KCNH8: variants seen among roughly 807,000 people sequenced by gnomAD.
KCNH8 encodes the protein potassium voltage-gated channel subfamily H member 8.
In KCNH8, 70 loss-of-function variants were observed where a neutral mutation model predicts 103.6. The observed-to-expected ratio is 0.68, with a 90% confidence interval of 0.56 to 0.82. The LOEUF is 0.82. KCNH8 is among the 40% of genes least tolerant of loss of function. The pLI is 0.00. For synonymous variants in KCNH8, 498 were observed against 489.4 expected (o/e 1.02, Z -0.23); for missense variants, 1,217 against 1,329.9 (o/e 0.92, Z 1.32).
chr3:19,284,550 T>TGTGA (rs751323767), intron 3 of KCNH8, among the ~76,000 whole-genome samples: 1 of 145,476 alleles, frequency 6.9e-6, no homozygotes, highest in Non-Finnish European at 1.5e-5. Flanking sequence ...TGTGTGTGTG[T>TGTGA]GTGAGGGAGA....
chr3:19,291,230 T>G (rs574821319), intron 3 of KCNH8, among the ~76,000 whole-genome samples: 4 of 152,338 alleles, frequency 2.6e-5, no homozygotes, highest in African/African-American at 9.6e-5. Flanking sequence ...GGGTTTTTTG[T>G]GTCTCTATTT....
intron 5 of KCNH8, among the ~76,000 whole-genome samples, chr3:19,387,127 C>G (rs963958838): frequency 4.6e-5 from 7 of 152,252 alleles, no homozygotes; most frequent in African/African-American, 1.7e-4. Context: ...TATCCCTGAA[C>G]AAAAGCTTAG....
Position 19,304,630 on chromosome 3 carries a change from G to T in KCNH8, c.442+23301G>T, listed in dbSNP as rs564077973. 2.0e-5 allele frequency among the ~76,000 whole-genome samples: 3 copies of T among 152,116 alleles called. No individual in the cohort carries two copies. In the East Asian group the frequency reaches 5.8e-4, roughly 29 times the overall value. On this transcript the variant is annotated intron_variant, in intron 3 of 15. Transcript: ENST00000328405. ...GAAAATTAAGTTGAGGAATCTTCCA[G>T]AAATTAGAGCAAAGTGACAAATATG...
At chr3:19,453,523 C>T (rs1292381506) in intron 10 of KCNH8, among the ~76,000 whole-genome samples, 1 of 152,030 alleles carries the variant, frequency 6.6e-6, no homozygotes, top group Non-Finnish European at 1.5e-5. Flanking sequence ...TTAAATCATG[C>T]AATTTATTAT....
chr3:19,233,771 A>G (rs977650630), intron 1 of KCNH8, among the ~76,000 whole-genome samples: 2 of 152,090 alleles, frequency 1.3e-5, no homozygotes, highest in African/African-American at 4.8e-5. Flanking sequence ...ACTGACTTCA[A>G]GAATGAAGCC....
At chr3:19,275,561 G>A (rs1206265964) in intron 2 of KCNH8, among the ~76,000 whole-genome samples, 1 of 152,094 alleles carries the variant, frequency 6.6e-6, no homozygotes. Flanking sequence ...TAGATAGATG[G>A]TCCCTGGAAG....
intron 7 of KCNH8, among the ~76,000 whole-genome samples, chr3:19,410,167 T>A (rs963693055): frequency 3.3e-5 from 5 of 151,992 alleles, no homozygotes; most frequent in African/African-American, 1.2e-4. Flanking sequence ...TAAATTTTTT[T>A]AAAAAACTAA....
chr3:19,258,939 C>CTATATATATATATA (rs1157867394), intron 2 of KCNH8, among the ~76,000 whole-genome samples: 1 of 74,100 alleles, frequency 1.3e-5, no homozygotes, highest in Non-Finnish European at 2.8e-5. Flanking sequence ...CTCTCTCTCT[C>CTATATATATATATA]TCTCTCTCTA....
At chr3:19,338,659 G>A (rs761589995) in intron 3 of KCNH8, among the ~76,000 whole-genome samples, 34 of 152,052 alleles carry the variant, frequency 2.2e-4, no homozygotes, top group Non-Finnish European at 4.4e-4. Flanking sequence ...TTGTAGTCAT[G>A]TGATTACATA....
intron 8 of KCNH8, among the ~76,000 whole-genome samples, chr3:19,444,450 G>A (rs1257132213): frequency 6.6e-6 from 1 of 151,718 alleles, no homozygotes; most frequent in African/African-American, 2.4e-5. Context: ...ATTTGGCAAA[G>A]GTTTCCTAAT....
intron 3 of KCNH8, among the ~76,000 whole-genome samples, chr3:19,284,369 G>A (rs1008152260): frequency 6.6e-6 from 1 of 152,050 alleles, no homozygotes; most frequent in African/African-American, 2.4e-5. Flanking sequence ...AAATGAGGAA[G>A]AACCTGTTTT....
chr3:19,360,613 A>G (rs1260842057), intron 5 of KCNH8, among the ~76,000 whole-genome samples: 1 of 152,058 alleles, frequency 6.6e-6, no homozygotes, highest in East Asian at 1.9e-4. Flanking sequence ...TTTCTAACCC[A>G]ACATTGCCTT....
In KCNH8 at chr3:19,395,175, C is replaced by T; in HGVS notation, c.1041C>T (p.Arg347=). Residue 347 remains arginine, a synonymous_variant, in exon 7 of 16, where the codon CGC becomes CGT. Coordinates refer to ENST00000328405, the MANE Select transcript of KCNH8 (RefSeq NM_144633.3). ...TGCGTCTGCTGCAGAAGTTAGACCGCTATTCCCAACACAGTACTATCGTCC... is the reference window on the plus strand; with the variant it reads ...TGCGTCTGCTGCAGAAGTTAGACCGTTATTCCCAACACAGTACTATCGTCC... The part of the protein sequence containing the change: ...RLLRLLQKLD[R]YSQHSTIVLT... 1 of 1,611,384 alleles carries T rather than the reference C, an allele frequency of 6.2e-7. No individual in the cohort carries two copies. The highest frequency in any genetic ancestry group is 8.5e-7 in the Non-Finnish European group (1 of 1,178,714).
At chr3:19,344,324 G>GT (rs1327574706) in intron 4 of KCNH8, among the ~76,000 whole-genome samples, 2 of 152,034 alleles carry the variant, frequency 1.3e-5, no homozygotes, top group Non-Finnish European at 2.9e-5. Flanking sequence ...AACATAGCAA[G>GT]TATTAGTGAG....
At chr3:19,413,140 T>C (rs1042325872) in intron 7 of KCNH8, among the ~76,000 whole-genome samples, 3 of 91,468 alleles carry the variant, frequency 3.3e-5, no homozygotes, top group Non-Finnish European at 7.0e-5. Flanking sequence ...CAGCGGTGGA[T>C]TGGATAAAGA....
intron 3 of KCNH8, among the ~76,000 whole-genome samples, chr3:19,286,948 A>G (rs932432546): frequency 1.3e-5 from 2 of 152,170 alleles, no homozygotes; most frequent in Non-Finnish European, 2.9e-5. Context: ...CAGAAGAGAA[A>G]TAAGTTTCTG....
chr3:19,333,922 A>T (rs2065546605), intron 3 of KCNH8, among the ~76,000 whole-genome samples: 1 of 152,122 alleles, frequency 6.6e-6, no homozygotes, highest in African/African-American at 2.4e-5. Context: ...CCCACAGTTC[A>T]TACAGGAAAT....
chr3:19,390,788 T>A, intron 6 of KCNH8, 150 bp downstream of exon 6: 1 of 645,450 alleles, frequency 1.5e-6, no homozygotes, highest in Admixed American at 3.4e-5. Context: ...GCAGGCCAGA[T>A]TCTTCAGTTG....
At chr3:19,406,058 C>T (rs1017028972) in intron 7 of KCNH8, among the ~76,000 whole-genome samples, 1 of 152,002 alleles carries the variant, frequency 6.6e-6, no homozygotes, top group Admixed American at 6.6e-5. Flanking sequence ...GGTTACATTA[C>T]CTTTAAGAAA....
Sources: gnomAD v4.1 joint callset for allele counts (sites outside exome capture counted in the v4.1 genomes callset) on GRCh38, gnomAD v4.1.1 for gene constraint, MANE v1.5 for transcripts, NCBI Gene and HGNC (gene_info 2026-07-23, HGNC 2026-07-21) for gene names.